JAZF1: variants seen among roughly 807,000 people sequenced by gnomAD.
The protein encoded by JAZF1 is juxtaposed with another zinc finger protein 1.
JAZF1 carries 8 observed loss-of-function variants against 26.4 expected under a neutral mutation model. The observed-to-expected ratio is 0.30, with a 90% CI of 0.18 to 0.55. The LOEUF is 0.55. JAZF1 is among the 20% of genes least tolerant of loss of function. The pLI is 0.94. For missense variants in JAZF1, 199 were observed against 322.0 expected, an observed-to-expected ratio of 0.62 and a Z score of 2.92; for synonymous variants, 126 against 122.3, an observed-to-expected ratio of 1.03 and a Z score of -0.20.
intron 1 of JAZF1, among the ~76,000 whole-genome samples, chr7:28,160,326 T>C (rs1356099366): frequency 4.6e-5 from 7 of 152,174 alleles, no homozygotes. Context: ...CACCCTGTTC[T>C]ACCTTTCTTT....
intron 1 of JAZF1, chr7:28,071,553 G>T (rs889530339): frequency 2.1e-6 from 1 of 467,334 alleles, no homozygotes; most frequent in Non-Finnish European, 4.4e-6. Context: ...AAGTTAGTAT[G>T]TCCCATAAAA....
intron 1 of JAZF1, among the ~76,000 whole-genome samples, chr7:28,044,698 C>G (rs1416828217): frequency 1.3e-5 from 2 of 152,086 alleles, no homozygotes; most frequent in Non-Finnish European, 2.9e-5. Context: ...CTGGAGGCAG[C>G]TATAGTAATG....
At chr7:27,891,140 T>G (rs1783969403) in intron 3 of JAZF1, among the ~76,000 whole-genome samples, 1 of 152,212 alleles carries the variant, frequency 6.6e-6, no homozygotes, top group Non-Finnish European at 1.5e-5. Flanking sequence ...TAACACTTTA[T>G]TTTCAGATAA....
intron 1 of JAZF1, among the ~76,000 whole-genome samples, chr7:28,072,084 G>C (rs555720790): frequency 6.6e-6 from 1 of 152,300 alleles, no homozygotes; most frequent in South Asian, 2.1e-4. Flanking sequence ...CTGAGAAGAC[G>C]AATAAAGGAA....
intron 1 of JAZF1, among the ~76,000 whole-genome samples, chr7:28,013,964 GA>G (rs1297418788): frequency 6.6e-6 from 1 of 152,044 alleles, no homozygotes; most frequent in South Asian, 2.1e-4. Flanking sequence ...ATAGGCCCAA[GA>G]AAAAATTTTC....
chr7:27,875,306 A>C (rs1413487669), intron 3 of JAZF1, among the ~76,000 whole-genome samples: 1 of 152,080 alleles, frequency 6.6e-6, no homozygotes, highest in Admixed American at 6.6e-5. Flanking sequence ...CCAGCCTTAC[A>C]TCACTTTCCT....
intron 2 of JAZF1, among the ~76,000 whole-genome samples, chr7:27,940,417 T>C (rs112499297): frequency 7.2e-5 from 11 of 152,198 alleles, no homozygotes; most frequent in Non-Finnish European, 1.2e-4. Context: ...CTCAGTGTAA[T>C]GCATCTTATT....
intron 1 of JAZF1, among the ~76,000 whole-genome samples, chr7:28,064,977 T>C (rs1235111385): frequency 6.6e-6 from 1 of 152,170 alleles, no homozygotes; most frequent in African/African-American, 2.4e-5. Flanking sequence ...CATTTGTAGA[T>C]CCTGAGTCCA....
chr7:27,961,148 T>G (rs1179188236), intron 2 of JAZF1, among the ~76,000 whole-genome samples: 1 of 152,256 alleles, frequency 6.6e-6, no homozygotes, highest in African/African-American at 2.4e-5. Flanking sequence ...ATTAACTTAT[T>G]TAGTACTTAT....
intron 1 of JAZF1, among the ~76,000 whole-genome samples, chr7:28,029,135 C>T (rs1473288355): frequency 2.0e-5 from 3 of 152,010 alleles, no homozygotes; most frequent in African/African-American, 7.2e-5. Context: ...GGGACTGCGC[C>T]GAATGCTTCT....
intron 1 of JAZF1, chr7:28,020,443 G>A (rs550388031): frequency 1.0e-5 from 4 of 382,740 alleles, no homozygotes; most frequent in African/African-American, 2.1e-5. Context: ...AACGAGGAGA[G>A]CCAGCGCCTC....
chr7:27,836,937 C>A (rs1456525366), intron 4 of JAZF1, among the ~76,000 whole-genome samples: 3 of 152,120 alleles, frequency 2.0e-5, no homozygotes, highest in African/African-American at 7.2e-5. Context: ...TATTTCTTTT[C>A]ACTATTTTTT....
At chr7:28,123,448 C>A (rs1046127112) in intron 1 of JAZF1, among the ~76,000 whole-genome samples, 1 of 152,198 alleles carries the variant, frequency 6.6e-6, no homozygotes, top group African/African-American at 2.4e-5. Context: ...AGACTGTAAG[C>A]TCCATAAGAG....
intron 2 of JAZF1, among the ~76,000 whole-genome samples, chr7:27,908,850 G>A (rs555407671): frequency 1.1e-3 from 165 of 152,308 alleles, no homozygotes; most frequent in Middle Eastern, 3.4e-3. Flanking sequence ...TGCCTGATTC[G>A]AGAATCACAA....
chr7:28,092,290 CAAAAAAAAAAAAAAAAAAAAAAAAA>C (rs749913273), intron 1 of JAZF1, among the ~76,000 whole-genome samples: 1 of 12,786 alleles, frequency 7.8e-5, no homozygotes, highest in Admixed American at 1.3e-3. Flanking sequence ...GGACAAAAGG[CAAAAAAAAAAAAAAAAAAAAAAAAA>C]AAAAAAAAAA....
chr7:28,004,380 AT>A (rs1169564285), intron 1 of JAZF1, among the ~76,000 whole-genome samples: 1 of 151,646 alleles, frequency 6.6e-6, no homozygotes, highest in Non-Finnish European at 1.5e-5. Context: ...AGAACTGCCC[AT>A]TATTATCACC....
chr7:28,033,074 A>T (rs1783220219), intron 1 of JAZF1, among the ~76,000 whole-genome samples: 1 of 152,168 alleles, frequency 6.6e-6, no homozygotes, highest in Non-Finnish European at 1.5e-5. Flanking sequence ...GACCTATGTA[A>T]GTATGGTCTA....
intron 1 of JAZF1, among the ~76,000 whole-genome samples, chr7:28,098,405 T>C (rs528472237): frequency 6.6e-6 from 1 of 152,102 alleles, no homozygotes; most frequent in African/African-American, 2.4e-5. Flanking sequence ...CCTAAGACAC[T>C]TCCTGAGTGC....
At chr7:27,915,514 A>G (rs1295383854) in intron 2 of JAZF1, among the ~76,000 whole-genome samples, 2 of 152,242 alleles carry the variant, frequency 1.3e-5, no homozygotes, top group Non-Finnish European at 2.9e-5. Context: ...GGTATCATAT[A>G]ACAATATGGT....
Sources: gnomAD v4.1 joint callset for allele counts (sites outside exome capture counted in the v4.1 genomes callset) on GRCh38, gnomAD v4.1.1 for gene constraint, MANE v1.5 for transcripts, NCBI Gene and HGNC (gene_info 2026-07-23, HGNC 2026-07-21) for gene names.